The following SASH1 variants were observed in gnomAD, a reference collection of about 807,000 sequenced individuals.
SASH1 encodes SAM and SH3 domain containing 1, also known as SAM and SH3 domain-containing protein 1.
A neutral mutation model predicts 125.2 loss-of-function variants in SASH1; 44 were observed. The ratio of observed to expected loss-of-function variants is 0.35; its 90% confidence interval spans 0.28 to 0.45. The LOEUF is 0.45. Ranked by LOEUF, SASH1 falls within the 20% of genes least tolerant of loss-of-function variation. The pLI, the probability that SASH1 is intolerant of heterozygous loss-of-function variation, is 1.00. For synonymous variants in SASH1, 639 were observed against 649.1 expected (o/e 0.98, Z 0.24); for missense variants, 1,426 against 1,614.5 (o/e 0.88, Z 2.00).
chr6:148,537,063 A>T (rs564817405), intron 16 of SASH1, among the ~76,000 whole-genome samples: 39 of 152,224 alleles, frequency 2.6e-4, no homozygotes, highest in Admixed American at 7.8e-4. Flanking sequence ...CATCCAATAC[A>T]GTTAAAGTCA....
chr6:148,551,953 G>T lies in SASH1; in HGVS notation c.*3395G>T, dbSNP rs1442816567. 6.6e-6 allele frequency: 1 copy of T among 152,614 alleles called. No individual in the cohort carries two copies. The highest frequency in any genetic ancestry group is 2.4e-5 in the African/African-American group (1 of 41,456). The allele number at this position is 152,614 out of a possible 1,614,324, so 9.5% of individuals were successfully genotyped here. A position where few individuals can be genotyped will look rare whatever the true frequency, so the allele number is the denominator to read the frequency against. On this transcript the variant is annotated 3_prime_UTR_variant, in exon 20 of 20. Transcript: ENST00000367467. Reference sequence around the variant, plus strand: ...GATGATTCATTTAGCATAAAGAGAGGTGGACGGAAGGGTTTTCCTATGTAT... The same window carrying T: ...GATGATTCATTTAGCATAAAGAGAGTTGGACGGAAGGGTTTTCCTATGTAT...
chr6:148,197,813 C>T, the SASH1 span, among the ~76,000 whole-genome samples: 2 of 152,080 alleles, frequency 1.3e-5, no homozygotes, highest in South Asian at 2.1e-4. Context: ...TGCTGTTCCC[C>T]TGATAATGAG....
At chr6:148,365,638 T>A (rs1018287174) in intron 1 of SASH1, among the ~76,000 whole-genome samples, 4 of 152,030 alleles carry the variant, frequency 2.6e-5, no homozygotes, top group Non-Finnish European at 5.9e-5. Flanking sequence ...ATGGCTCACA[T>A]AATGGGAGCT....
chr6:148,539,109 C>T (rs1339782816), intron 16 of SASH1, among the ~76,000 whole-genome samples: 1 of 151,780 alleles, frequency 6.6e-6, no homozygotes, highest in Non-Finnish European at 1.5e-5. Context: ...TTTTTTTTCC[C>T]CTCCAGCTTT....
the SASH1 span, among the ~76,000 whole-genome samples, chr6:148,215,635 C>T: frequency 4.7e-4 from 71 of 152,188 alleles, no homozygotes; most frequent in African/African-American, 1.3e-3. Flanking sequence ...CAGTAATAAA[C>T]GGCCCTCTAC....
At chr6:148,368,770 G>GCGCACACA (rs1554245330) in intron 1 of SASH1, among the ~76,000 whole-genome samples, 2,611 of 135,718 alleles carry the variant, frequency 0.019, 91 homozygotes, top group African/African-American at 0.066. Context: ...GCACGCGCGC[G>GCGCACACA]CACACACACA....
At chr6:148,401,253 C>CAAA (rs34170572) in intron 2 of SASH1, among the ~76,000 whole-genome samples, 1 of 112,246 alleles carries the variant, frequency 8.9e-6, no homozygotes, top group South Asian at 2.9e-4. Flanking sequence ...GACCCTATCT[C>CAAA]AAAAAAAAAA....
intron 8 of SASH1, among the ~76,000 whole-genome samples, chr6:148,505,797 A>G (rs1779768777): frequency 1.3e-5 from 2 of 150,916 alleles, no homozygotes; most frequent in Admixed American, 1.3e-4. Context: ...GCCACCACAC[A>G]TGGCTAATTT....
At chr6:148,243,074 G>C in the SASH1 span, among the ~76,000 whole-genome samples, 3,309 of 152,196 alleles carry the variant, frequency 0.022, 121 homozygotes, top group African/African-American at 0.075. Flanking sequence ...CCAGCACTTT[G>C]GGAGGCTGAG....
At chr6:148,432,132 C>T (rs1171687496) in intron 2 of SASH1, among the ~76,000 whole-genome samples, 6 of 152,110 alleles carry the variant, frequency 3.9e-5, no homozygotes, top group South Asian at 2.1e-4. Flanking sequence ...TGTGCCACCA[C>T]GCTGGGCTAA....
the SASH1 span, among the ~76,000 whole-genome samples, chr6:148,197,790 G>C: frequency 2.6e-5 from 4 of 152,166 alleles, no homozygotes; most frequent in Non-Finnish European, 5.9e-5. Context: ...GGATCATAGG[G>C]TGGTTTTCCT....
At chr6:148,326,414 C>CTTTTTTTTTT (rs56066712) in intron 1 of SASH1, among the ~76,000 whole-genome samples, 6 of 83,968 alleles carry the variant, frequency 7.1e-5, no homozygotes, top group Non-Finnish European at 1.4e-4. Flanking sequence ...CTTTTCTTTT[C>CTTTTTTTTTT]TTTTTTTTGA....
intron 2 of SASH1, among the ~76,000 whole-genome samples, chr6:148,438,601 G>C (rs1776394311): frequency 6.6e-6 from 1 of 151,948 alleles, no homozygotes; most frequent in Admixed American, 6.6e-5. Context: ...ATTAGGGGAA[G>C]AGTGAGTTGC....
chr6:148,318,419 A>G (rs1004376372), intron 1 of SASH1, among the ~76,000 whole-genome samples: 2 of 152,212 alleles, frequency 1.3e-5, no homozygotes, highest in African/African-American at 2.4e-5. Flanking sequence ...GAATGCATCA[A>G]CAGCTTTCAT....
intron 4 of SASH1, among the ~76,000 whole-genome samples, chr6:148,446,978 C>T (rs1326747906): frequency 2.0e-5 from 3 of 152,270 alleles, no homozygotes; most frequent in Admixed American, 1.3e-4. Flanking sequence ...AAATCGTGTT[C>T]GTTAGCATCA....
At chr6:148,487,088 T>TACACACACACACACAC (rs757099589) in intron 7 of SASH1, among the ~76,000 whole-genome samples, 31 of 101,720 alleles carry the variant, frequency 3.0e-4, no homozygotes, top group African/African-American at 1.2e-3. Flanking sequence ...ATAACACATA[T>TACACACACACACACAC]ATATACACAC....
chr6:148,302,341 A>AAAAAAAAAAT lies in SASH1; in HGVS notation n.74+29964_74+29965insAAAAAAAAAT, dbSNP rs34513109. 2.6e-3 allele frequency among the ~76,000 whole-genome samples: 270 copies of AAAAAAAAAAT among 104,440 alleles called. 69 individuals are homozygous for AAAAAAAAAAT. Among genetic ancestry groups the AAAAAAAAAAT allele is most frequent in the East Asian group, 0.021 (54 of 2,568 alleles). 68.5% of individuals were successfully genotyped at this position (104,440 alleles called of 152,430 possible). A position where few individuals can be genotyped will look rare whatever the true frequency, so the allele number is the denominator to read the frequency against. ...AAAAAAAAAAAAAAAAAAAAAAAAA[A>AAAAAAAAAAT]CTAGTAATATTATGACCTTGGTTAA... is the stretch of plus-strand genomic sequence containing the variant. On this transcript the variant is annotated intron_variant and non_coding_transcript_variant, in intron 1 of 3. Transcript: ENST00000367469.
the SASH1 span, among the ~76,000 whole-genome samples, chr6:148,201,691 G>C: frequency 6.6e-6 from 1 of 152,292 alleles, no homozygotes; most frequent in African/African-American, 2.4e-5. Context: ...GGCTCCTGGG[G>C]CCTGTCGAAG....
intron 4 of SASH1, among the ~76,000 whole-genome samples, chr6:148,442,247 C>T (rs937036358): frequency 2.0e-5 from 3 of 150,972 alleles, no homozygotes; most frequent in African/African-American, 7.3e-5. Flanking sequence ...CCGCCCCCAG[C>T]CCCCCCAAAA....
Sources: allele counts gnomAD v4.1 joint callset (sites outside exome capture counted in the v4.1 genomes callset), GRCh38; gene constraint gnomAD v4.1.1; transcripts MANE v1.5; gene names NCBI Gene and HGNC (gene_info 2026-07-23, HGNC 2026-07-21).